The following FOXP1 variants were observed in gnomAD, a reference collection of about 807,000 sequenced individuals.
FOXP1 encodes forkhead box P1, also known as forkhead box protein P1.
A neutral mutation model predicts 98.2 loss-of-function variants in FOXP1; 15 were observed. That is an observed-to-expected ratio of 0.15 (90% CI 0.10 to 0.24). FOXP1 has a LOEUF of 0.24. Ranked by LOEUF, FOXP1 falls within the 10% of genes least tolerant of loss-of-function variation. The pLI is 1.00. For synonymous variants in FOXP1, 371 were observed against 314.5 expected (o/e 1.18, Z -1.90); for missense variants, 633 against 848.5 (o/e 0.75, Z 3.15).
intron 3 of FOXP1, among the ~76,000 whole-genome samples, chr3:71,421,552 G>A (rs923487180): frequency 3.3e-5 from 5 of 152,076 alleles, no homozygotes; most frequent in South Asian, 2.1e-4. Context: ...TCTCCCCAGC[G>A]TAGGACAATA....
chr3:71,419,348 A>T (rs1273423278), intron 3 of FOXP1, among the ~76,000 whole-genome samples: 1 of 151,810 alleles, frequency 6.6e-6, no homozygotes, highest in Non-Finnish European at 1.5e-5. Flanking sequence ...TATCTTAAGA[A>T]TTTAAGAATT....
intron 3 of FOXP1, among the ~76,000 whole-genome samples, chr3:71,399,878 T>G (rs2081830736): frequency 1.3e-5 from 2 of 152,196 alleles, no homozygotes; most frequent in African/African-American, 2.4e-5. Context: ...CATTTAAAAA[T>G]TTCTCCAGTT....
chr3:71,504,819 C>T (rs1036818673), intron 2 of FOXP1, among the ~76,000 whole-genome samples: 2 of 152,174 alleles, frequency 1.3e-5, no homozygotes, highest in African/African-American at 4.8e-5. Context: ...TCAATGCGGT[C>T]GTAGGACTTT....
At chr3:71,475,067 C>T (rs187380407) in intron 3 of FOXP1, among the ~76,000 whole-genome samples, 39 of 152,222 alleles carry the variant, frequency 2.6e-4, no homozygotes, top group Admixed American at 1.6e-3. Flanking sequence ...CTTCTCCATC[C>T]TATGGCTCCC....
chr3:71,314,040 A>C (rs1026828573), intron 4 of FOXP1, among the ~76,000 whole-genome samples: 3 of 152,184 alleles, frequency 2.0e-5, no homozygotes, highest in African/African-American at 7.2e-5. Flanking sequence ...TCATCCATAA[A>C]ATGGGCTTCA....
At chr3:71,496,833 AC>A (rs1325672111) in intron 2 of FOXP1, among the ~76,000 whole-genome samples, 2 of 151,624 alleles carry the variant, frequency 1.3e-5, no homozygotes, top group South Asian at 2.1e-4. Flanking sequence ...AACAACAACA[AC>A]AAAAAGACAA....
At chr3:71,417,129 C>T (rs1487290043) in intron 3 of FOXP1, among the ~76,000 whole-genome samples, 1 of 152,176 alleles carries the variant, frequency 6.6e-6, no homozygotes, top group African/African-American at 2.4e-5. Flanking sequence ...TGCAAATACA[C>T]TTCAGACCAC....
intron 3 of FOXP1, among the ~76,000 whole-genome samples, chr3:71,407,201 T>C: frequency 6.6e-6 from 1 of 152,074 alleles, no homozygotes; most frequent in East Asian, 1.9e-4. Context: ...AAGTAATATG[T>C]CCTCTAACTT....
chr3:71,001,066 C>T lies in FOXP1; in HGVS notation c.975-7G>A, dbSNP rs1453374192. 6.3e-7 allele frequency: 1 copy of T among 1,599,692 alleles called. No homozygotes were observed. Among genetic ancestry groups the T allele is most frequent in the East Asian group, 2.2e-5 (1 of 44,778 alleles). On this transcript the variant is annotated splice_region_variant and splice_polypyrimidine_tract_variant and intron_variant, in intron 12 of 20. Coordinates refer to ENST00000649528, the MANE Select transcript of FOXP1 (RefSeq NM_001349338.3). ...ATGCTCACTGTTGAGATGTCTGCAA[C>T]AATACATAGAAAATCATTAAGTGAA...
At chr3:71,377,120 A>C (rs2079778486) in intron 3 of FOXP1, among the ~76,000 whole-genome samples, 1 of 152,192 alleles carries the variant, frequency 6.6e-6, no homozygotes, top group Admixed American at 6.5e-5. Flanking sequence ...AATTTAAGAG[A>C]GTTCAGCGGG....
At chr3:71,476,362 T>C (rs1037984245) in intron 3 of FOXP1, among the ~76,000 whole-genome samples, 5 of 152,088 alleles carry the variant, frequency 3.3e-5, no homozygotes, top group Admixed American at 2.0e-4. Context: ...AGCCATAATT[T>C]GGTTAACTAT....
chr3:71,052,824 A>G (rs1288549395), intron 8 of FOXP1, among the ~76,000 whole-genome samples, 198 bp from the exon 9 acceptor site: 1 of 152,236 alleles, frequency 6.6e-6, no homozygotes, highest in Non-Finnish European at 1.5e-5. Flanking sequence ...AATCTCCAAA[A>G]TGAACTGATG....
chr3:71,407,329 C>T (rs954481469), intron 3 of FOXP1, among the ~76,000 whole-genome samples: 2 of 152,120 alleles, frequency 1.3e-5, no homozygotes, highest in African/African-American at 4.8e-5. Flanking sequence ...CGGGAACACA[C>T]ATTTTAAAAA....
chr3:71,241,249 A>AC (rs1465506318), intron 5 of FOXP1, among the ~76,000 whole-genome samples: 2 of 151,828 alleles, frequency 1.3e-5, no homozygotes, highest in African/African-American at 4.8e-5. Context: ...ACAAAAAAAA[A>AC]ACTTTTACCT....
intron 5 of FOXP1, among the ~76,000 whole-genome samples, chr3:71,202,271 A>T (rs1016042239): frequency 1.3e-5 from 2 of 152,202 alleles, no homozygotes; most frequent in Non-Finnish European, 2.9e-5. Context: ...TGGTCTGAGG[A>T]TGTCCTTAAT....
At position 71,575,056 on chromosome 3, in the gene FOXP1, T is replaced by C. The variant is rs546118614; in HGVS notation, c.-298+6493A>G. Among the ~76,000 whole-genome samples, 14 of 152,308 alleles carry C rather than the reference T, an allele frequency of 9.2e-5. No homozygotes were observed. In the East Asian group the frequency reaches 2.1e-3, roughly 23 times the overall value. ...CCCACTTTGGTGGGCATCAGGACCA[T>C]GTGGGATGCGATTTAAAAACACAGA... On this transcript the variant is annotated intron_variant, in intron 2 of 20. Coordinates refer to ENST00000649528, the MANE Select transcript of FOXP1 (RefSeq NM_001349338.3).
At chr3:71,300,052 C>G (rs1037786176) in intron 4 of FOXP1, among the ~76,000 whole-genome samples, 172 bp from the exon 5 acceptor site, 1 of 152,136 alleles carries the variant, frequency 6.6e-6, no homozygotes, top group African/African-American at 2.4e-5. Flanking sequence ...GGACCATATG[C>G]CTTTGAGCTC....
At chr3:71,496,554 G>A (rs1309279564) in intron 2 of FOXP1, among the ~76,000 whole-genome samples, 1 of 152,156 alleles carries the variant, frequency 6.6e-6, no homozygotes, top group Non-Finnish European at 1.5e-5. Flanking sequence ...GGCCACAGTG[G>A]CTCACGCCTG....
intron 3 of FOXP1, among the ~76,000 whole-genome samples, chr3:71,393,837 CTCA>C (rs2081203110): frequency 6.6e-6 from 1 of 152,298 alleles, no homozygotes; most frequent in South Asian, 2.1e-4. Flanking sequence ...TATGGACTCT[CTCA>C]TCCCATCTGA....
Sources: allele counts gnomAD v4.1 joint callset (sites outside exome capture counted in the v4.1 genomes callset), GRCh38; gene constraint gnomAD v4.1.1; transcripts MANE v1.5; gene names NCBI Gene and HGNC (gene_info 2026-07-23, HGNC 2026-07-21).